Variants in AIRE observed in about 807,000 individuals in gnomAD.
AIRE encodes the protein autoimmune regulator.
In AIRE, 52 loss-of-function variants were observed where a neutral mutation model predicts 62.1. The observed-to-expected ratio is 0.84, with a 90% CI of 0.67 to 1.06. The LOEUF is 1.06. Among genes scored for constraint, AIRE ranks in the 50% least tolerant of loss-of-function variants. The pLI is 0.00. For missense variants in AIRE, 774 were observed against 755.8 expected (o/e 1.02, Z -0.28); for synonymous variants, 342 against 321.6 (o/e 1.06, Z -0.68).
Position 44,285,876 on chromosome 21 carries a change from G to C in AIRE, c.-131G>C. 9.7e-6 allele frequency: 9 copies of C among 927,564 alleles called. No homozygotes were observed. The highest frequency in any genetic ancestry group is 2.0e-5 in the South Asian group (1 of 50,302). 57.5% of individuals were successfully genotyped at this position (927,564 alleles called of 1,614,324 possible). On this transcript the variant is annotated 5_prime_UTR_variant, in exon 1 of 14. Transcript: ENST00000291582. ...CAGCGGCGCGCGTGGCTCGCAGACC[G>C]GGGAGACGGGCGGGCGCACAGCCGG...
At position 44,293,781 on chromosome 21, in the gene AIRE, T is replaced by A; in HGVS notation, c.1279-8T>A. On this transcript the variant is annotated splice_region_variant and splice_polypyrimidine_tract_variant and intron_variant, in intron 10 of 13. Coordinates refer to ENST00000291582, the MANE Select transcript of AIRE (RefSeq NM_000383.4). Reference sequence around the variant, plus strand: ...CCCCGCGTCACCCCGCGCTGTTGCCTCCCACAGAACCTGGCTCCTGGTGCG... The same window carrying A: ...CCCCGCGTCACCCCGCGCTGTTGCCACCCACAGAACCTGGCTCCTGGTGCG... The A allele has an allele frequency of 6.3e-7, 1 of 1,596,066 alleles. No individual in the cohort carries two copies. Among genetic ancestry groups the A allele is most frequent in the Non-Finnish European group, 8.5e-7 (1 of 1,179,444 alleles).
In AIRE at chr21:44,286,486, T is replaced by C; in HGVS notation, c.133-71T>C. On this transcript the variant is annotated intron_variant, in intron 1 of 13. Coordinates refer to ENST00000291582, the MANE Select transcript of AIRE (RefSeq NM_000383.4). The surrounding 1 kb of genome is among the most constrained non-coding windows in gnomAD (Gnocchi z 6.0). ...TCTGCCTGGGAGCTCCACCCTCTAG[T>C]CATGATGGAGATGGGCAGGCCGCAG... 6.6e-7 allele frequency: 1 copy of C among 1,505,762 alleles called. No individual in the cohort carries two copies. Among genetic ancestry groups the C allele is most frequent in the South Asian group, 1.2e-5 (1 of 81,326 alleles). 93.3% of individuals were successfully genotyped at this position (1,505,762 alleles called of 1,614,324 possible).
At position 44,286,216 on chromosome 21, in the gene AIRE, C is replaced by T. The variant is rs2040480481; in HGVS notation, c.132+78C>T. On this transcript the variant is annotated intron_variant, in intron 1 of 13. Transcript: ENST00000291582. The surrounding 1 kb of genome is among the most constrained non-coding windows in gnomAD (Gnocchi z 6.0). ...GTCCCCGGGGAAGTTCCAGGAGGACCCCGCCCCTCCAGATCCCCAAGCCCC... is the reference window on the plus strand; with the variant it reads ...GTCCCCGGGGAAGTTCCAGGAGGACTCCGCCCCTCCAGATCCCCAAGCCCC... 1 of 1,442,272 alleles carries T rather than the reference C, an allele frequency of 6.9e-7. No individual in the cohort carries two copies. Among genetic ancestry groups the T allele is most frequent in the Non-Finnish European group, 9.4e-7 (1 of 1,062,980 alleles). The allele number at this position is 1,442,272 out of a possible 1,614,324, so 89.3% of individuals were successfully genotyped here.
rs1268525377 is a variant in AIRE, at chr21:44,297,312, C to T, written c.1567-344C>T. Among the ~76,000 whole-genome samples the T allele has an allele frequency of 2.8e-5, 4 of 142,202 alleles. No homozygotes were observed. The highest frequency in any genetic ancestry group is 4.7e-5 in the Non-Finnish European group (3 of 64,284). The allele number at this position is 142,202 out of a possible 152,430, so 93.3% of individuals were successfully genotyped here. A position where few individuals can be genotyped will look rare whatever the true frequency, so the allele number is the denominator to read the frequency against. On this transcript the variant is annotated intron_variant, in intron 13 of 13. Coordinates refer to ENST00000291582, the MANE Select transcript of AIRE (RefSeq NM_000383.4). This position sits in a 1 kb window ranked among gnomAD's most constrained non-coding sequence, Gnocchi z 4.8. ...CAGAATAAGTAGCTGGCCCCGACCC[C>T]CCCACCCTGAAGGAGCCACCCGAGG... is the stretch of plus-strand genomic sequence containing the variant.
In AIRE at chr21:44,296,694, G is replaced by A. The variant is rs187932741; in HGVS notation, c.1566+249G>A. On this transcript the variant is annotated intron_variant, in intron 13 of 13. Transcript: ENST00000291582. ...CCTCCCCCTGCGGGAGCCCAGTGCT[G>A]CTGAGCGCCCCCAGCCCCTCCCCAA... Among the ~76,000 whole-genome samples, 672 of 133,554 alleles carry A rather than the reference G, an allele frequency of 5.0e-3. 16 individuals are homozygous for A. Among genetic ancestry groups the A allele is most frequent in the Admixed American group, 0.045 (561 of 12,534 alleles). 87.6% of individuals were successfully genotyped at this position (133,554 alleles called of 152,430 possible).
rs891129645 is a variant in AIRE, at chr21:44,286,809, C to T, written c.307+78C>T. 1.7e-5 allele frequency: 27 copies of T among 1,582,536 alleles called. No homozygotes were observed. Among genetic ancestry groups the T allele is most frequent in the South Asian group, 6.7e-5 (6 of 90,026 alleles). On this transcript the variant is annotated intron_variant, in intron 2 of 13. Coordinates refer to ENST00000291582, the MANE Select transcript of AIRE (RefSeq NM_000383.4). This position sits in a 1 kb window ranked among gnomAD's most constrained non-coding sequence, Gnocchi z 6.0. ...CTGCTCAGCCCAGCTGGACTGGAAC[C>T]GGAGTGGTGTTTGAGGAGCCCGTGG...
Position 44,297,614 on chromosome 21 carries a change from G to T in AIRE, c.1567-42G>T, listed in dbSNP as rs3746966. On this transcript the variant is annotated intron_variant, in intron 13 of 13. Coordinates refer to ENST00000291582, the MANE Select transcript of AIRE (RefSeq NM_000383.4). The surrounding 1 kb of genome is among the most constrained non-coding windows in gnomAD (Gnocchi z 4.8). ...ATGGCCATGATTCTGTGGCTGCGGCGGGGGCGCACCTGGAGGTTCTCACCG... is the reference window on the plus strand; with the variant it reads ...ATGGCCATGATTCTGTGGCTGCGGCTGGGGCGCACCTGGAGGTTCTCACCG... 9 of 1,523,672 alleles carry T rather than the reference G, an allele frequency of 5.9e-6. No homozygotes were observed. Among genetic ancestry groups the T allele is most frequent in the Non-Finnish European group, 7.3e-6 (8 of 1,102,222 alleles). 94.4% of individuals were successfully genotyped at this position (1,523,672 alleles called of 1,614,324 possible).
At position 44,298,130 on chromosome 21, in the gene AIRE, C is replaced by T. The variant is rs1226249326; in HGVS notation, c.*403C>T. On this transcript the variant is annotated 3_prime_UTR_variant, in exon 14 of 14. Transcript: ENST00000291582. The stretch of plus-strand genomic sequence containing the variant: ...CTGGTCGGCAAGAGTGAGACTCCGT[C>T]TCAAAAACAAAACAAAACAAAAAAA... 7.9e-6 allele frequency: 2 copies of T among 252,060 alleles called. No individual in the cohort carries two copies. Among genetic ancestry groups the T allele is most frequent in the Non-Finnish European group, 1.6e-5 (2 of 126,074 alleles). The allele number at this position is 252,060 out of a possible 1,614,324, so 15.6% of individuals were successfully genotyped here.
At position 44,289,660 on chromosome 21, in the gene AIRE, G is replaced by A. The variant is rs921565634; in HGVS notation, c.656G>A (p.Gly219Asp). 5 of 1,612,652 alleles carry A rather than the reference G, an allele frequency of 3.1e-6. No individual in the cohort carries two copies. In the African/African-American group the frequency reaches 5.3e-5, roughly 17 times the overall value. Residue 219 changes from glycine to aspartate, a missense_variant, in exon 6 of 14, where the codon GGC becomes GAC. Physicochemically the swap from Gly to Asp is moderately conservative, Grantham distance 94. Around this residue, in one of 3 missense-constraint regions of AIRE, gnomAD observed 385 missense variants for 396.0 expected, o/e 0.97. Coordinates refer to ENST00000291582, the MANE Select transcript of AIRE (RefSeq NM_000383.4). ...ACCAGCCGGCATCTCCTCCCAGGCG[G>A]CTCCAAGAAGTGCATCCAGGTTGGC... ...ILIQQVFESG[G>D]SKKCIQVGGE... is the part of the protein sequence containing the mutation.
chr21:44,292,340 T>A lies in AIRE; in HGVS notation c.1034T>A (p.Val345Asp). The change falls in exon 9 of 14, where the codon GTC becomes GAC. Residue 345 changes from valine (V) to aspartate (D), a missense_variant. This residue lies in a region of AIRE where 354 missense variants were observed against 296.1 expected (regional missense o/e 1.20). Coordinates refer to ENST00000291582, the MANE Select transcript of AIRE (RefSeq NM_000383.4). ...TGCTCCAGCTGCCTGCAGGCAACAG[T>A]CCAGGAGGTGCAGCCCCGGGCAGAG... is the stretch of plus-strand genomic sequence containing the variant. ...WRCSSCLQATVQEVQPRAEEP... is the reference protein window; with the variant it reads ...WRCSSCLQATDQEVQPRAEEP... 1 of 1,577,438 alleles carries A rather than the reference T, an allele frequency of 6.3e-7. No individual in the cohort carries two copies. Among genetic ancestry groups the A allele is most frequent in the Non-Finnish European group, 8.6e-7 (1 of 1,162,032 alleles).
In AIRE at chr21:44,286,365, G is replaced by C. The variant is rs1276617528; in HGVS notation, c.133-192G>C. Among the ~76,000 whole-genome samples the C allele has an allele frequency of 2.6e-5, 4 of 151,122 alleles. No homozygotes were observed. The highest frequency in any genetic ancestry group is 9.7e-5 in the African/African-American group (4 of 41,072). ...CCCCAAGCCAAGGGAATGGCCTCCA[G>C]GTTCCCCCAGCCCCACCCTCAACAC... is the stretch of plus-strand genomic sequence containing the variant. On this transcript the variant is annotated intron_variant, in intron 1 of 13. Coordinates refer to ENST00000291582, the MANE Select transcript of AIRE (RefSeq NM_000383.4). The surrounding 1 kb of genome is among the most constrained non-coding windows in gnomAD (Gnocchi z 6.0).
rs901923519 is a variant in AIRE, at chr21:44,297,559, G to A, written c.1567-97G>A. ...TCAGTTTCCCCACCTTTGACTTAGAGGGAAGGTTGGATGGTGACTTCTTGT... is the reference window on the plus strand; with the variant it reads ...TCAGTTTCCCCACCTTTGACTTAGAAGGAAGGTTGGATGGTGACTTCTTGT... On this transcript the variant is annotated intron_variant, in intron 13 of 13. Transcript: ENST00000291582. The surrounding 1 kb of genome is among the most constrained non-coding windows in gnomAD (Gnocchi z 4.8). 2.5e-6 allele frequency: 3 copies of A among 1,182,824 alleles called. No homozygotes were observed. The highest frequency in any genetic ancestry group is 2.5e-6 in the Non-Finnish European group (2 of 805,230). The allele number at this position is 1,182,824 out of a possible 1,614,324, so 73.3% of individuals were successfully genotyped here.
chr21:44,288,263 G>C (rs927798402), intron 4 of AIRE, 82 bp from the exon 5 acceptor site: 36 of 1,188,618 alleles, frequency 3.0e-5, no homozygotes, highest in Non-Finnish European at 4.3e-5. Context: ...CTGCAGCCCA[G>C]TGCTGCCTGC....
rs2040534029 is a variant in AIRE, at chr21:44,291,086, C to T, written c.880-9C>T. The T allele has an allele frequency of 6.2e-7, 1 of 1,613,044 alleles. No individual in the cohort carries two copies. Among genetic ancestry groups the T allele is most frequent in the South Asian group, 1.1e-5 (1 of 91,088 alleles). ...CCCAGTCTGCATGGGCGTCTCTTGC[C>T]TGTGCCAGAAGAATGAGGACGAGTG... On this transcript the variant is annotated splice_polypyrimidine_tract_variant and intron_variant, in intron 7 of 13. Coordinates refer to ENST00000291582, the MANE Select transcript of AIRE (RefSeq NM_000383.4).
chr21:44,295,641 G>GT (rs142762696), intron 12 of AIRE, among the ~76,000 whole-genome samples: 1,527 of 152,312 alleles, frequency 0.01, 14 homozygotes, highest in Non-Finnish European at 0.017. Context: ...GATGTGAAAT[G>GT]TAACGCCATG....
chr21:44,292,178 C>A, intron 8 of AIRE, 124 bp from the exon 9 acceptor site: 1 of 792,550 alleles, frequency 1.3e-6, no homozygotes, highest in Non-Finnish European at 2.2e-6. Flanking sequence ...CATCTCTCTG[C>A]TGTGCCTCGG....
Position 44,285,998 on chromosome 21 carries a change from G to C in AIRE, c.-9G>C. ...GTCCGCCCCAGCCCCGGGTCCCCGC[G>C]CCCACCCCATGGCGACGGACGCGGC... On this transcript the variant is annotated 5_prime_UTR_variant, in exon 1 of 14. Coordinates refer to ENST00000291582, the MANE Select transcript of AIRE (RefSeq NM_000383.4). 1 of 1,527,448 alleles carries C rather than the reference G, an allele frequency of 6.5e-7. No homozygotes were observed. The highest frequency in any genetic ancestry group is 2.5e-5 in the East Asian group (1 of 40,264). The allele number at this position is 1,527,448 out of a possible 1,614,324, so 94.6% of individuals were successfully genotyped here. A position where few individuals can be genotyped will look rare whatever the true frequency, so the allele number is the denominator to read the frequency against.
rs1408358988 is a variant in AIRE at position 44,293,986 on chromosome 21, A to G, written c.1400+76A>G. 6 of 1,307,346 alleles carry G rather than the reference A, an allele frequency of 4.6e-6. No individual in the cohort carries two copies. In the South Asian group the frequency reaches 7.4e-5, roughly 16 times the overall value. The allele number at this position is 1,307,346 out of a possible 1,614,324, so 81.0% of individuals were successfully genotyped here. ...ACCCCACCCCACACTCCCCACCCAC[A>G]TCATACAGCCCACAACCACACCCCA... On this transcript the variant is annotated intron_variant, in intron 11 of 13. Coordinates refer to ENST00000291582, the MANE Select transcript of AIRE (RefSeq NM_000383.4).
chr21:44,295,842 GC>G (rs1284413995), intron 12 of AIRE, among the ~76,000 whole-genome samples: 1 of 149,576 alleles, frequency 6.7e-6, no homozygotes, highest in African/African-American at 2.6e-5. Flanking sequence ...ATGCAGGGCT[GC>G]CGGGCCTCGC....
Sources: gnomAD v4.1 joint callset for allele counts (sites outside exome capture counted in the v4.1 genomes callset) on GRCh38, gnomAD v4.1.1 for gene constraint, gnomAD v4.1.1 regional missense constraint, Gnocchi (gnomAD v3.1) non-coding constraint, MANE v1.5 for transcripts, NCBI Gene and HGNC (gene_info 2026-07-23, HGNC 2026-07-21) for gene names.